Variants in MLLT3 observed in about 807,000 individuals in gnomAD.
The protein encoded by MLLT3 is MLLT3 super elongation complex subunit, also known as protein AF-9.
In MLLT3, 4 loss-of-function variants were observed where a neutral mutation model predicts 53.2. That is an observed-to-expected ratio of 0.08 (90% CI 0.04 to 0.17). The LOEUF (loss-of-function observed/expected upper bound fraction) is 0.17, where lower values mean the gene tolerates loss of function less well. MLLT3 is among the 10% of genes least tolerant of loss of function. The pLI is 1.00. For missense variants in MLLT3, 569 were observed against 684.0 expected (o/e 0.83, Z 1.87); for synonymous variants, 283 against 230.6 (o/e 1.23, Z -2.06).
At chr9:20,401,984 G>C (rs1214541425) in intron 5 of MLLT3, among the ~76,000 whole-genome samples, 1 of 152,116 alleles carries the variant, frequency 6.6e-6, no homozygotes, top group African/African-American at 2.4e-5. Flanking sequence ...CGTTGAAGAA[G>C]ATGTAAAAAA....
At chr9:20,356,429 T>C (rs1821172907) in intron 8 of MLLT3, among the ~76,000 whole-genome samples, 2 of 152,050 alleles carry the variant, frequency 1.3e-5, no homozygotes, top group South Asian at 4.2e-4. Flanking sequence ...CCTCCATTGT[T>C]GTTGAAAGTG....
At chr9:20,485,518 C>T (rs1050988805) in intron 2 of MLLT3, among the ~76,000 whole-genome samples, 2 of 152,106 alleles carry the variant, frequency 1.3e-5, no homozygotes, top group African/African-American at 4.8e-5. Context: ...TCGAATAATT[C>T]ATTTACTATA....
At chr9:20,606,814 C>A (rs1299104599) in intron 2 of MLLT3, among the ~76,000 whole-genome samples, 2 of 152,128 alleles carry the variant, frequency 1.3e-5, no homozygotes, top group Non-Finnish European at 1.5e-5. Flanking sequence ...GAAAGCCCCA[C>A]GTTTGCTGGC....
intron 5 of MLLT3, among the ~76,000 whole-genome samples, chr9:20,385,156 A>G (rs968684855): frequency 6.6e-6 from 1 of 152,180 alleles, no homozygotes; most frequent in Non-Finnish European, 1.5e-5. Flanking sequence ...GGGGTCTACA[A>G]TACTTTTTCC....
At chr9:20,547,329 C>T (rs140161924) in intron 2 of MLLT3, among the ~76,000 whole-genome samples, 3,122 of 151,880 alleles carry the variant, frequency 0.021, 49 homozygotes, top group Non-Finnish European at 0.029. Context: ...CTACCATGCC[C>T]GGCCCTCATA....
At chr9:20,589,899 TG>T (rs1236704499) in intron 2 of MLLT3, among the ~76,000 whole-genome samples, 3 of 151,854 alleles carry the variant, frequency 2.0e-5, no homozygotes, top group African/African-American at 7.3e-5. Flanking sequence ...TTAGTAGAGA[TG>T]GGGTTTCACC....
chr9:20,486,716 G>A (rs1824824185), intron 2 of MLLT3, among the ~76,000 whole-genome samples: 1 of 152,134 alleles, frequency 6.6e-6, no homozygotes, highest in African/African-American at 2.4e-5. Context: ...CCAGCTCTTG[G>A]TTAATATCTA....
At chr9:20,610,771 C>T (rs933276689) in intron 2 of MLLT3, among the ~76,000 whole-genome samples, 8 of 152,086 alleles carry the variant, frequency 5.3e-5, no homozygotes, top group African/African-American at 1.9e-4. Context: ...ACACATAACA[C>T]GTGCTGCTTT....
At chr9:20,407,762 G>GCAA (rs1382403770) in intron 5 of MLLT3, among the ~76,000 whole-genome samples, 2 of 152,020 alleles carry the variant, frequency 1.3e-5, no homozygotes, top group Non-Finnish European at 2.9e-5. Context: ...CCATAAAATG[G>GCAA]CAATAATAAT....
chr9:20,423,393 T>C (rs1823063772), intron 4 of MLLT3, among the ~76,000 whole-genome samples: 1 of 152,308 alleles, frequency 6.6e-6, no homozygotes, highest in East Asian at 1.9e-4. Flanking sequence ...TGAAGTTCTA[T>C]TTATTTCCAG....
intron 5 of MLLT3, among the ~76,000 whole-genome samples, chr9:20,378,876 A>G (rs184628773): frequency 6.6e-6 from 1 of 152,152 alleles, no homozygotes; most frequent in African/African-American, 2.4e-5. Flanking sequence ...TGTGTTCTCA[A>G]TGTAGCCCCT....
At chr9:20,438,316 C>T (rs1247574003) in intron 4 of MLLT3, among the ~76,000 whole-genome samples, 2 of 152,146 alleles carry the variant, frequency 1.3e-5, no homozygotes, top group Non-Finnish European at 2.9e-5. Context: ...GGAAGTGTGG[C>T]CAATGGGATG....
At chr9:20,517,966 C>A (rs917263948) in intron 2 of MLLT3, among the ~76,000 whole-genome samples, 2 of 152,050 alleles carry the variant, frequency 1.3e-5, no homozygotes, top group African/African-American at 4.8e-5. Context: ...CCAAAGTTGG[C>A]GTAATTTAAA....
chr9:20,608,857 G>A (rs930887592), intron 2 of MLLT3, among the ~76,000 whole-genome samples: 14 of 151,946 alleles, frequency 9.2e-5, no homozygotes, highest in African/African-American at 3.1e-4. Context: ...ACAATAAGAA[G>A]TTCCTGATAT....
chr9:20,469,651 A>C (rs1212498355), intron 2 of MLLT3, among the ~76,000 whole-genome samples: 1 of 152,052 alleles, frequency 6.6e-6, no homozygotes. Flanking sequence ...GTTACAGACA[A>C]AGGTCAAACA....
At chr9:20,506,264 C>T (rs906014441) in intron 2 of MLLT3, among the ~76,000 whole-genome samples, 2 of 152,126 alleles carry the variant, frequency 1.3e-5, no homozygotes, top group Non-Finnish European at 2.9e-5. Flanking sequence ...TGGTCTTGAA[C>T]TTCTGAGCTC....
intron 2 of MLLT3, among the ~76,000 whole-genome samples, chr9:20,548,437 T>G (rs775995166): frequency 8.5e-5 from 13 of 152,236 alleles, no homozygotes; most frequent in Non-Finnish European, 1.6e-4. Context: ...TGAACAATGG[T>G]AAATGAAAAT....
chr9:20,498,057 A>G (rs1825121845), intron 2 of MLLT3, among the ~76,000 whole-genome samples: 2 of 151,704 alleles, frequency 1.3e-5, no homozygotes, highest in South Asian at 4.2e-4. Context: ...CTTTGTCTCT[A>G]CTAAAAAATA....
intron 5 of MLLT3, among the ~76,000 whole-genome samples, chr9:20,376,041 G>C (rs1821756745): frequency 6.6e-6 from 1 of 152,056 alleles, no homozygotes; most frequent in African/African-American, 2.4e-5. Context: ...TTACCTTCAA[G>C]TGATCTACGT....
Sources: allele counts gnomAD v4.1 joint callset (sites outside exome capture counted in the v4.1 genomes callset), GRCh38; gene constraint gnomAD v4.1.1; transcripts MANE v1.5; gene names NCBI Gene and HGNC (gene_info 2026-07-23, HGNC 2026-07-21).